The following B3GALNT2 variants were observed in gnomAD, a reference collection of about 807,000 sequenced individuals.
B3GALNT2 encodes beta-1,3-N-acetylgalactosaminyltransferase 2.
A neutral mutation model predicts 61.1 loss-of-function variants in B3GALNT2; 53 were observed. The observed-to-expected ratio is 0.87, with a 90% CI of 0.70 to 1.09. The LOEUF (loss-of-function observed/expected upper bound fraction) is 1.09, where lower values mean the gene tolerates loss of function less well. B3GALNT2 is among the 50% of genes least tolerant of loss of function. B3GALNT2 has a pLI of 0.00. For missense variants in B3GALNT2, 544 were observed against 623.0 expected (o/e 0.87, Z 1.35); for synonymous variants, 223 against 237.4 (o/e 0.94, Z 0.56).
At position 235,448,870 on chromosome 1, in the gene B3GALNT2, A is replaced by G. The variant is rs78867315; in HGVS notation, c.*1336T>C. 974 of 846,782 alleles carry G rather than the reference A, an allele frequency of 1.2e-3. 6 individuals are homozygous for G. In the East Asian group the frequency reaches 0.013, roughly 11 times the overall value. 52.5% of individuals were successfully genotyped at this position (846,782 alleles called of 1,614,324 possible). A position where few individuals can be genotyped will look rare whatever the true frequency, so the allele number is the denominator to read the frequency against. ...TACTGTCAAAACAAAGGGGGTTTAC[A>G]ACTTGTCCTAAGTATAACAAGGGAT... On this transcript the variant is annotated 3_prime_UTR_variant, in exon 12 of 12. Transcript: ENST00000366600.
rs944846294 is a variant in B3GALNT2 at position 235,449,265 on chromosome 1, C to CTTAAA, written c.*936_*940dup. ...CTCAGTTGCACTATTTCTAAGAGTA[C>CTTAAA]TTAAATTAATCACATGCTTTTCCCT... On this transcript the variant is annotated 3_prime_UTR_variant, in exon 12 of 12. Transcript: ENST00000366600. The CTTAAA allele has an allele frequency of 5.9e-6, 1 of 168,366 alleles. No individual in the cohort carries two copies. The highest frequency in any genetic ancestry group is 2.4e-5 in the African/African-American group (1 of 41,530). The allele number at this position is 168,366 out of a possible 1,614,324, so 10.4% of individuals were successfully genotyped here.
chr1:235,485,788 T>C (rs936635041), intron 3 of B3GALNT2, among the ~76,000 whole-genome samples: 1 of 152,204 alleles, frequency 6.6e-6, no homozygotes, highest in Admixed American at 6.5e-5. Flanking sequence ...TTAAAAATAT[T>C]TGTACACACA....
chr1:235,464,451 T>G (rs562518704), intron 7 of B3GALNT2: 76 of 107,906 alleles, frequency 7.0e-4, no homozygotes, highest in African/African-American at 2.7e-3. Context: ...CCTCACCACC[T>G]TCTCCCTCTC....
At position 235,448,399 on chromosome 1, in the gene B3GALNT2, G is replaced by T. The variant is rs140606727; in HGVS notation, c.*1807C>A. 6.2e-7 allele frequency: 1 copy of T among 1,614,168 alleles called. No individual in the cohort carries two copies. Among genetic ancestry groups the T allele is most frequent in the African/African-American group, 1.3e-5 (1 of 75,046 alleles). On this transcript the variant is annotated 3_prime_UTR_variant, in exon 12 of 12. Transcript: ENST00000366600. ...GGGATTGCTGTCACGTCTTCTCAAAGTTCCTGTGTCAGACCTTCTGTTGTC... is the reference window on the plus strand; with the variant it reads ...GGGATTGCTGTCACGTCTTCTCAAATTTCCTGTGTCAGACCTTCTGTTGTC...
chr1:235,499,196 TATTAAGATAAACAGGCG>T (rs2102871289), intron 1 of B3GALNT2, among the ~76,000 whole-genome samples: 1 of 152,342 alleles, frequency 6.6e-6, no homozygotes, highest in South Asian at 2.1e-4. Flanking sequence ...TAATACATCA[TATTAAGATAAACAGGCG>T]ATAGGAACTA....
intron 1 of B3GALNT2, among the ~76,000 whole-genome samples, chr1:235,497,029 C>G (rs1487314494): frequency 6.6e-6 from 1 of 152,162 alleles, no homozygotes; most frequent in Non-Finnish European, 1.5e-5. Context: ...ATCCACAATA[C>G]CAGTTCAACT....
chr1:235,461,509 T>TG (rs1683429728), intron 7 of B3GALNT2, among the ~76,000 whole-genome samples: 1 of 86,840 alleles, frequency 1.2e-5, no homozygotes, highest in Non-Finnish European at 2.2e-5. Flanking sequence ...GACCTCCTGT[T>TG]TTTTTTTTTT....
intron 6 of B3GALNT2, among the ~76,000 whole-genome samples, chr1:235,468,293 T>C (rs577645115): frequency 1.3e-5 from 2 of 152,300 alleles, no homozygotes; most frequent in South Asian, 2.1e-4. Flanking sequence ...CTGGGGTTTC[T>C]TAGCGTAGGC....
intron 1 of B3GALNT2, among the ~76,000 whole-genome samples, chr1:235,500,602 CAAAT>C (rs1685539894): frequency 6.6e-6 from 1 of 152,164 alleles, no homozygotes; most frequent in African/African-American, 2.4e-5. Flanking sequence ...GGAAGAGTCA[CAAAT>C]AGATACAAAT....
intron 1 of B3GALNT2, among the ~76,000 whole-genome samples, chr1:235,502,205 G>A (rs1275947579): frequency 6.6e-6 from 1 of 152,138 alleles, no homozygotes; most frequent in Non-Finnish European, 1.5e-5. Flanking sequence ...TAGAGACGGG[G>A]TTTCGCCATG....
chr1:235,458,337 G>A (rs910613214), intron 8 of B3GALNT2, among the ~76,000 whole-genome samples: 15 of 152,014 alleles, frequency 9.9e-5, no homozygotes, highest in Non-Finnish European at 2.1e-4. Flanking sequence ...GTGTCCTTAG[G>A]TTTGTTTTTA....
At chr1:235,493,562 G>A (rs1030012919) in intron 2 of B3GALNT2, among the ~76,000 whole-genome samples, 1 of 152,134 alleles carries the variant, frequency 6.6e-6, no homozygotes, top group African/African-American at 2.4e-5. Context: ...CAGATCACCT[G>A]AGGTCAGGAG....
Position 235,480,246 on chromosome 1 carries a change from C to T in B3GALNT2, c.556-97G>A, listed in dbSNP as rs888541215. On this transcript the variant is annotated intron_variant, in intron 4 of 11. Transcript: ENST00000366600. ...CACCTTACTTCTTGGTCAGCTAAAT[C>T]CACAATGGCCCTAACCACGGTCACT... The T allele has an allele frequency of 2.9e-5, 44 of 1,502,820 alleles. 2 individuals carry two copies. In the South Asian group the frequency reaches 5.1e-4, roughly 17 times the overall value. The allele number at this position is 1,502,820 out of a possible 1,614,324, so 93.1% of individuals were successfully genotyped here. A position where few individuals can be genotyped will look rare whatever the true frequency, so the allele number is the denominator to read the frequency against.
Position 235,454,137 on chromosome 1 carries a change from C to G in B3GALNT2, c.1311+19G>C. The G allele has an allele frequency of 6.3e-7, 1 of 1,579,962 alleles. No individual in the cohort carries two copies. The highest frequency in any genetic ancestry group is 8.6e-7 in the Non-Finnish European group (1 of 1,161,274). On this transcript the variant is annotated intron_variant, in intron 10 of 11. Transcript: ENST00000366600. The stretch of plus-strand genomic sequence containing the variant: ...TACTGGCAAGAGCCACCACGCCAAG[C>G]TAAGAAATTCTTAATTACCTGATAG...
chr1:235,474,950 CATATATATATATATATATATATATAT>C (rs1159752267), intron 5 of B3GALNT2, among the ~76,000 whole-genome samples: 2 of 39,356 alleles, frequency 5.1e-5, no homozygotes, highest in Admixed American at 4.8e-4. Flanking sequence ...AAATTAGAGA[CATATATATATATATATATATATATAT>C]ATATATATAT....
chr1:235,504,438 G>T lies in B3GALNT2; in HGVS notation c.-186C>A. Reference sequence around the variant, plus strand: ...CCGCTCCTCCGGTCCCTCAGACCGCGGGTGGCCGCGGCTTAGCCGGCCGAA... The same window carrying T: ...CCGCTCCTCCGGTCCCTCAGACCGCTGGTGGCCGCGGCTTAGCCGGCCGAA... On this transcript the variant is annotated 5_prime_UTR_variant, in exon 1 of 12. Coordinates refer to ENST00000366600, the MANE Select transcript of B3GALNT2 (RefSeq NM_152490.5). 5.3e-6 allele frequency: 3 copies of T among 567,998 alleles called. No homozygotes were observed. The highest frequency in any genetic ancestry group is 5.5e-6 in the Non-Finnish European group (2 of 361,352). 35.2% of individuals were successfully genotyped at this position (567,998 alleles called of 1,614,324 possible).
At chr1:235,471,560 G>C (rs750424398) in intron 5 of B3GALNT2, among the ~76,000 whole-genome samples, 1 of 152,222 alleles carries the variant, frequency 6.6e-6, no homozygotes, top group African/African-American at 2.4e-5. Context: ...AGCAATGTAT[G>C]AGAATGACAA....
chr1:235,474,950 CATATATATATATATATATAT>C (rs1159752267), intron 5 of B3GALNT2, among the ~76,000 whole-genome samples: 3 of 39,356 alleles, frequency 7.6e-5, no homozygotes, highest in South Asian at 1.2e-3. Flanking sequence ...AAATTAGAGA[CATATATATATATATATATAT>C]ATATATATAT....
intron 7 of B3GALNT2, among the ~76,000 whole-genome samples, chr1:235,460,477 AAATG>A (rs1464964778): frequency 1.3e-5 from 2 of 151,376 alleles, no homozygotes; most frequent in Non-Finnish European, 2.9e-5. Flanking sequence ...AAAAAATTAG[AAATG>A]AATAAGAAAA....
Sources: allele counts gnomAD v4.1 joint callset (sites outside exome capture counted in the v4.1 genomes callset), GRCh38; gene constraint gnomAD v4.1.1; transcripts MANE v1.5; gene names NCBI Gene and HGNC (gene_info 2026-07-23, HGNC 2026-07-21).